The following ZBTB46 variants were observed in gnomAD, a reference collection of about 807,000 sequenced individuals.
ZBTB46 encodes zinc finger and BTB domain-containing protein 46.
ZBTB46 carries 8 observed loss-of-function variants against 44.1 expected under a neutral mutation model. That is an observed-to-expected ratio of 0.18 (90% confidence interval 0.11 to 0.33). The LOEUF is 0.33. Ranked by LOEUF, ZBTB46 falls within the 10% of genes least tolerant of loss-of-function variation. The pLI, the probability that ZBTB46 is intolerant of heterozygous loss-of-function variation, is 1.00. For missense variants in ZBTB46, 651 were observed against 847.7 expected (o/e 0.77, Z 2.88); for synonymous variants, 409 against 382.3 (o/e 1.07, Z -0.81).
chr20:63,823,840 C>T (rs1309801434), intron 1 of ZBTB46, among the ~76,000 whole-genome samples: 1 of 128,268 alleles, frequency 7.8e-6, no homozygotes, highest in Non-Finnish European at 1.7e-5. Context: ...CTGTCCTGAC[C>T]TTTGTCCTCT....
chr20:63,790,242 T>C lies in ZBTB46; in HGVS notation c.516A>G (p.Ala172=), dbSNP rs202177354. ...MAGRSISPWL[A]RRTSPANSSG... ...AAGAATTGGCAGGACTCGTTCGCCG[T>C]GCCAGCCACGGGGAGATGCTCCTCC... The change falls in exon 2 of 5, where the codon GCA becomes GCG. Residue 172 remains alanine (A), a synonymous_variant. Coordinates refer to ENST00000245663, the MANE Select transcript of ZBTB46 (RefSeq NM_001369741.1). The C allele has an allele frequency of 5.5e-5, 88 of 1,611,196 alleles. No individual in the cohort carries two copies. Among genetic ancestry groups the C allele is most frequent in the South Asian group, 5.1e-4 (46 of 90,800 alleles).
At chr20:63,772,744 CA>C (rs879850135) in intron 3 of ZBTB46, among the ~76,000 whole-genome samples, 37,201 of 150,592 alleles carry the variant, frequency 0.25, 4,756 homozygotes, top group Middle Eastern at 0.36. Context: ...CACACACACA[CA>C]CACACACACA....
intron 3 of ZBTB46, among the ~76,000 whole-genome samples, chr20:63,771,553 G>C (rs2092373419): frequency 6.6e-6 from 1 of 152,218 alleles, no homozygotes; most frequent in African/African-American, 2.4e-5. Context: ...GTACCGGCGA[G>C]TGGGGCTACG....
In ZBTB46 at chr20:63,803,634, C is replaced by G. The variant is rs575355786; in HGVS notation, c.-33-12844G>C. 1 of 540,304 alleles carries G rather than the reference C, an allele frequency of 1.9e-6. No homozygotes were observed. Among genetic ancestry groups the G allele is most frequent in the Non-Finnish European group, 2.4e-6 (1 of 423,766 alleles). The allele number at this position is 540,304 out of a possible 1,614,324, so 33.5% of individuals were successfully genotyped here. On this transcript the variant is annotated intron_variant, in intron 1 of 4. Coordinates refer to ENST00000245663, the MANE Select transcript of ZBTB46 (RefSeq NM_001369741.1). The surrounding 1 kb of genome is among the most constrained non-coding windows in gnomAD (Gnocchi z 4.0). ...CCCCTCCCTGCCCACTGGCCCCTTT[C>G]AGTTCCTTCATCTCCAGCCCGGCTC...
At chr20:63,805,498 A>T (rs182413581) in intron 1 of ZBTB46, among the ~76,000 whole-genome samples, 9 of 152,232 alleles carry the variant, frequency 5.9e-5, no homozygotes, top group East Asian at 1.9e-4. Flanking sequence ...GGAGGAGAGA[A>T]GGTCATGTGA....
At chr20:63,826,444 T>C (rs1277247777) in intron 1 of ZBTB46, among the ~76,000 whole-genome samples, 1 of 151,900 alleles carries the variant, frequency 6.6e-6, no homozygotes, top group Non-Finnish European at 1.5e-5. Context: ...ATGCTTTGGC[T>C]GGGCACGGTG....
At chr20:63,832,150 G>T (rs2092855457), upstream of ZBTB46, among the ~76,000 whole-genome samples, 1 of 152,118 alleles carries the variant, frequency 6.6e-6, no homozygotes, top group Non-Finnish European at 1.5e-5. The surrounding 1 kb of genome is among the most constrained non-coding windows in gnomAD (Gnocchi z 5.0). Flanking sequence ...CAGCCCGTGT[G>T]CAGCCCCGAT....
rs2092524005 is a variant in ZBTB46, at chr20:63,787,283, C to A, written c.937+2538G>T. On this transcript the variant is annotated intron_variant, in intron 2 of 4. Coordinates refer to ENST00000245663, the MANE Select transcript of ZBTB46 (RefSeq NM_001369741.1). This position sits in a 1 kb window ranked among gnomAD's most constrained non-coding sequence, Gnocchi z 4.6. ...CAGGAATAGCCATCGCCATCCTAGC[C>A]ATCGCCATCCTAGCCATCGCCACAT... 6.6e-6 allele frequency among the ~76,000 whole-genome samples: 1 copy of A among 152,154 alleles called. No individual in the cohort carries two copies. The highest frequency in any genetic ancestry group is 1.5e-5 in the Non-Finnish European group (1 of 68,022).
At chr20:63,761,568 G>C (rs1039009302) in intron 3 of ZBTB46, among the ~76,000 whole-genome samples, 1 of 152,092 alleles carries the variant, frequency 6.6e-6, no homozygotes, top group African/African-American at 2.4e-5. Context: ...TGGATCACAA[G>C]GTCAGGAGTT....
At chr20:63,770,186 T>C (rs1336386981) in intron 3 of ZBTB46, among the ~76,000 whole-genome samples, 2 of 152,212 alleles carry the variant, frequency 1.3e-5, no homozygotes, top group Non-Finnish European at 2.9e-5. Context: ...CATCCTCGGC[T>C]TGTCAGTGTG....
intron 1 of ZBTB46, among the ~76,000 whole-genome samples, chr20:63,826,373 G>C (rs987910205): frequency 6.6e-6 from 1 of 152,200 alleles, no homozygotes; most frequent in Non-Finnish European, 1.5e-5. Flanking sequence ...GATGCTCAAA[G>C]AGAAACCAAG....
intron 1 of ZBTB46, chr20:63,814,753 G>A (rs2092738543): frequency 6.6e-6 from 1 of 152,316 alleles, no homozygotes; most frequent in African/African-American, 2.4e-5. Flanking sequence ...CCCTACTTCG[G>A]AATTAGGAAT....
intron 1 of ZBTB46, among the ~76,000 whole-genome samples, chr20:63,809,896 A>G (rs1402817526): frequency 6.6e-6 from 1 of 150,668 alleles, no homozygotes; most frequent in Non-Finnish European, 1.5e-5. Context: ...CGGGAGGTCG[A>G]GGTTGGAGTG....
chr20:63,771,526 G>A (rs1296573334), intron 3 of ZBTB46, among the ~76,000 whole-genome samples: 4 of 152,258 alleles, frequency 2.6e-5, no homozygotes, highest in African/African-American at 7.2e-5. Flanking sequence ...TCTCTCCCCC[G>A]ATCAGCGTCC....
At chr20:63,761,010 T>C (rs1258842237) in intron 3 of ZBTB46, among the ~76,000 whole-genome samples, 1 of 148,568 alleles carries the variant, frequency 6.7e-6, no homozygotes, top group African/African-American at 2.5e-5. Context: ...TTTTTTTTTT[T>C]TTTTTTCAGA....
At chr20:63,810,709 G>A (rs2146030025) in intron 1 of ZBTB46, among the ~76,000 whole-genome samples, 1 of 152,280 alleles carries the variant, frequency 6.6e-6, no homozygotes, top group East Asian at 1.9e-4. Flanking sequence ...TTGTGCCACT[G>A]CACTCCAGTC....
At chr20:63,823,858 T>TTCTGTATGTGTGTGTGTGTGTGTGTGTG (rs144086739) in intron 1 of ZBTB46, among the ~76,000 whole-genome samples, 2 of 144,718 alleles carry the variant, frequency 1.4e-5, no homozygotes, top group African/African-American at 5.2e-5. Context: ...TCTAGGAACC[T>TTCTGTATGTGTGTGTGTGTGTGTGTGTG]TGTGTGTGTG....
chr20:63,809,106 A>G (rs1313761232), intron 1 of ZBTB46, among the ~76,000 whole-genome samples: 1 of 150,862 alleles, frequency 6.6e-6, no homozygotes, highest in Non-Finnish European at 1.5e-5. Flanking sequence ...GGGGCTCTCC[A>G]CGTTCGCCTT....
intron 3 of ZBTB46, among the ~76,000 whole-genome samples, chr20:63,770,750 T>C (rs1261912999): frequency 1.3e-5 from 2 of 152,070 alleles, no homozygotes; most frequent in Admixed American, 1.3e-4. Flanking sequence ...GGGCAGGCGG[T>C]GGGATCCCCA....
Sources: allele counts gnomAD v4.1 joint callset (sites outside exome capture counted in the v4.1 genomes callset), GRCh38; gene constraint gnomAD v4.1.1; non-coding constraint Gnocchi (gnomAD v3.1); transcripts MANE v1.5; gene names NCBI Gene and HGNC (gene_info 2026-07-23, HGNC 2026-07-21).